SLFN12: variants seen among roughly 807,000 people sequenced by gnomAD.
The protein encoded by SLFN12 is ribonuclease SLFN12.
A neutral mutation model predicts 29.1 loss-of-function variants in SLFN12; 25 were observed. The ratio of observed to expected loss-of-function variants is 0.86; its 90% CI spans 0.63 to 1.20. The LOEUF (loss-of-function observed/expected upper bound fraction) is 1.20, where lower values mean the gene tolerates loss of function less well. Among genes scored for constraint, SLFN12 ranks in the 50% most tolerant of loss-of-function variants. The pLI, the probability that SLFN12 is intolerant of heterozygous loss-of-function variation, is 0.00. For missense variants in SLFN12, 660 were observed against 666.2 expected (o/e 0.99, Z 0.10); for synonymous variants, 257 against 238.7 (o/e 1.08, Z -0.71).
chr17:35,413,768 A>G (rs1911170790), intron 3 of SLFN12, among the ~76,000 whole-genome samples: 1 of 151,878 alleles, frequency 6.6e-6, no homozygotes, highest in South Asian at 2.1e-4. Flanking sequence ...AAAAAAAGAA[A>G]AAAAAAGATC....
At chr17:35,419,320 GAA>G (rs1474906640) in intron 3 of SLFN12, among the ~76,000 whole-genome samples, 2 of 152,016 alleles carry the variant, frequency 1.3e-5, no homozygotes, top group Non-Finnish European at 2.9e-5. Flanking sequence ...TAAGAAAAGA[GAA>G]AATGCAAGCC....
intron 3 of SLFN12, among the ~76,000 whole-genome samples, chr17:35,412,510 A>G (rs752288712): frequency 2.6e-5 from 4 of 152,130 alleles, no homozygotes; most frequent in Non-Finnish European, 5.9e-5. Flanking sequence ...CATTACAGCA[A>G]TAGAAAAGCC....
chr17:35,424,277 CTT>C (rs1348314300), intron 1 of SLFN12, among the ~76,000 whole-genome samples: 1 of 151,138 alleles, frequency 6.6e-6, no homozygotes, highest in Non-Finnish European at 1.5e-5. Context: ...AGAAGTGTGA[CTT>C]AAGTTTAACT....
intron 1 of SLFN12, among the ~76,000 whole-genome samples, chr17:35,426,689 A>C (rs1459020103): frequency 1.3e-5 from 2 of 152,148 alleles, no homozygotes; most frequent in Admixed American, 1.3e-4. Context: ...GCGATCTCTC[A>C]CAGTCTTTGC....
chr17:35,423,291 T>TTATG, intron 1 of SLFN12, among the ~76,000 whole-genome samples: 1 of 152,272 alleles, frequency 6.6e-6, no homozygotes, highest in South Asian at 2.1e-4. Flanking sequence ...TGTATTCTAA[T>TTATG]TATGTAATCT....
chr17:35,426,633 G>A (rs1379124422), intron 1 of SLFN12, among the ~76,000 whole-genome samples: 2 of 152,122 alleles, frequency 1.3e-5, no homozygotes, highest in African/African-American at 2.4e-5. Context: ...TCTGTTGTGT[G>A]TATGCTTTAT....
At chr17:35,425,691 T>C (rs2142046871) in intron 1 of SLFN12, among the ~76,000 whole-genome samples, 1 of 152,120 alleles carries the variant, frequency 6.6e-6, no homozygotes, top group Non-Finnish European at 1.5e-5. Context: ...TTAGGTTGCT[T>C]CCATATCTTG....
chr17:35,427,819 A>G (rs141155605), intron 1 of SLFN12, among the ~76,000 whole-genome samples: 2 of 152,246 alleles, frequency 1.3e-5, no homozygotes, highest in African/African-American at 4.8e-5. Flanking sequence ...AGTTATTTCA[A>G]TGTTTGGGTA....
rs746246810 is a variant in SLFN12 at position 35,422,286 on chromosome 17, A to T, written c.743T>A (p.Ile248Asn). Reference sequence around the variant, plus strand: ...GTCACTCATCTCTGCTTTAAAGCCAATTATTTCTTTATCTTCATTTAAACC... The same window carrying T: ...GTCACTCATCTCTGCTTTAAAGCCATTTATTTCTTTATCTTCATTTAAACC... ...FIGLNEDKEIIGFKAEMSDLD... is the reference protein window; with the variant it reads ...FIGLNEDKEINGFKAEMSDLD... Residue 248 changes from isoleucine to asparagine, a missense_variant, in exon 2 of 4, where the codon ATT becomes AAT. Physicochemically the swap from Ile to Asn is moderately radical, Grantham distance 149. Transcript: ENST00000304905. 1 of 1,613,836 alleles carries T rather than the reference A, an allele frequency of 6.2e-7. No homozygotes were observed. The highest frequency in any genetic ancestry group is 8.5e-7 in the Non-Finnish European group (1 of 1,179,912).
At chr17:35,419,508 T>C (rs1911505117) in intron 3 of SLFN12, among the ~76,000 whole-genome samples, 1 of 151,974 alleles carries the variant, frequency 6.6e-6, no homozygotes, top group South Asian at 2.1e-4. Flanking sequence ...GGCCAGTAAG[T>C]ATATGGAGAG....
intron 1 of SLFN12, 123 bp from the exon 2 acceptor site, chr17:35,423,191 G>C (rs375174857): frequency 3.6e-6 from 4 of 1,096,954 alleles, no homozygotes; most frequent in African/African-American, 3.2e-5. Context: ...TAAGTATATG[G>C]ATATGAAGAG....
chr17:35,418,263 A>G (rs1911431534), intron 3 of SLFN12, among the ~76,000 whole-genome samples: 1 of 152,146 alleles, frequency 6.6e-6, no homozygotes, highest in African/African-American at 2.4e-5. Context: ...GATTCTAGAA[A>G]GAGGATTATC....
chr17:35,420,432 C>A, intron 2 of SLFN12, 51 bp from the exon 3 acceptor site: 3 of 1,113,378 alleles, frequency 2.7e-6, no homozygotes, highest in Non-Finnish European at 2.7e-6. Context: ...GAGACCCCAA[C>A]TAACTAATGC....
intron 2 of SLFN12, 82 bp downstream of exon 2, chr17:35,421,908 G>C: frequency 6.6e-7 from 1 of 1,508,228 alleles, no homozygotes; most frequent in Non-Finnish European, 8.9e-7. Flanking sequence ...GAGGACTATT[G>C]ATCTTGCCCC....
intron 3 of SLFN12, 57 bp downstream of exon 3, chr17:35,420,217 G>A (rs2142038364): frequency 8.1e-7 from 1 of 1,238,336 alleles, no homozygotes; most frequent in East Asian, 2.3e-5. Context: ...GGTTTGAAGA[G>A]AAAGAGGTTT....
rs566806114 is a variant in SLFN12, at chr17:35,421,832, G to A, written c.1039+158C>T. 7.9e-5 allele frequency among the ~76,000 whole-genome samples: 12 copies of A among 152,162 alleles called. No homozygotes were observed. The East Asian group carries it at 9.6e-4, about 12-fold the overall frequency. On this transcript the variant is annotated intron_variant, in intron 2 of 3. Transcript: ENST00000304905. ...TGGGAATACAGACGTGAGCCACCGC[G>A]CCTGGCCGAGGCAGGGAACTATTGA... is the stretch of plus-strand genomic sequence containing the variant.
chr17:35,417,323 G>A (rs1303112209), intron 3 of SLFN12, among the ~76,000 whole-genome samples: 1 of 152,074 alleles, frequency 6.6e-6, no homozygotes, highest in African/African-American at 2.4e-5. Context: ...TAGAAAATGT[G>A]TTTGATAAAA....
chr17:35,420,542 T>A (rs1911567661), intron 2 of SLFN12, 161 bp from the exon 3 acceptor site: 1 of 498,684 alleles, frequency 2.0e-6, no homozygotes, highest in African/African-American at 2.0e-5. Flanking sequence ...AGATACAAAT[T>A]GCAAAATTAA....
At chr17:35,429,591 T>C (rs8066257) in intron 1 of SLFN12, among the ~76,000 whole-genome samples, 1,626 of 152,188 alleles carry the variant, frequency 0.011, 30 homozygotes, top group African/African-American at 0.037. Context: ...TGGCTATCTT[T>C]AATGGGAAAG....
Sources: allele counts gnomAD v4.1 joint callset (sites outside exome capture counted in the v4.1 genomes callset), GRCh38; gene constraint gnomAD v4.1.1; transcripts MANE v1.5; gene names NCBI Gene and HGNC (gene_info 2026-07-23, HGNC 2026-07-21).